Variants in HCFC1 observed in about 807,000 individuals in gnomAD.
HCFC1 encodes host cell factor C1, also known as host cell factor 1.
Under a neutral mutation model 105.5 loss-of-function variants are expected in HCFC1, and 7 were observed. The observed-to-expected ratio is 0.07, with a 90% CI of 0.04 to 0.12. The LOEUF is 0.12. Among genes scored for constraint, HCFC1 ranks in the 10% least tolerant of loss-of-function variants. The pLI is 1.00. For synonymous variants in HCFC1, 918 were observed against 828.1 expected, an observed-to-expected ratio of 1.11 and a Z score of -1.86; for missense variants, 1,065 against 1,823.6, an observed-to-expected ratio of 0.58 and a Z score of 7.58.
intron 10 of HCFC1, 131 bp from the exon 11 acceptor site, chrX:153,958,380 G>T: frequency 1.5e-6 from 1 of 678,116 alleles, no homozygotes. Flanking sequence ...CCAAGCCCAA[G>T]AACAGCTTGG....
At chrX:153,953,802 C>T in intron 17 of HCFC1, 32 bp from the exon 18 acceptor site, 1 of 1,171,114 alleles carries the variant, frequency 8.5e-7, no homozygotes. Context: ...GGCTGCTCAG[C>T]AGGAGCCCCC....
intron 3 of HCFC1, among the ~76,000 whole-genome samples, chrX:153,963,812 T>C (rs183658438): frequency 1.8e-5 from 2 of 112,297 alleles, no homozygotes; most frequent in African/African-American, 6.4e-5. Context: ...AGGAAACTTG[T>C]AGGCAGCGGA....
At position 153,960,118 on chromosome X, in the gene HCFC1, G is replaced by A; in HGVS notation, c.1128C>T (p.Asn376=). 1.7e-6 allele frequency: 2 copies of A among 1,211,478 alleles called. No individual in the cohort carries two copies. The highest frequency in any genetic ancestry group is 2.2e-6 in the Non-Finnish European group (2 of 895,237). The part of the protein sequence containing the change: ...PPARVQLVRA[N]TNSLEVSWGA... ...CCCAGCTCACCTCCAGGGAGTTGGT[G>A]TTGGCGCGTACCAGTTGTACTCGGG... The change falls in exon 8 of 26, where the codon AAC becomes AAT. Residue 376 remains asparagine (N), a synonymous_variant. Transcript: ENST00000310441.
In HCFC1 at chrX:153,959,956, T is replaced by C. The variant is rs1557116298; in HGVS notation, c.1290A>G (p.Pro430=). Reference sequence around the variant, plus strand: ...GCTGCACAGCAGGTGCGGCTGCTGCTGGGGCAGGGCTCTTGGGAGGGTTGG... The same window carrying C: ...GCTGCACAGCAGGTGCGGCTGCTGCCGGGGCAGGGCTCTTGGGAGGGTTGG... ...VPANPPKSPA[P]AAAAPAVQPL... is the part of the protein sequence containing the mutation. Residue 430 remains proline (P), a synonymous_variant, in exon 8 of 26, where the codon CCA becomes CCG. Coordinates refer to ENST00000310441, the MANE Select transcript of HCFC1 (RefSeq NM_005334.3). 8.3e-7 allele frequency: 1 copy of C among 1,210,825 alleles called. No homozygotes were observed. Among genetic ancestry groups the C allele is most frequent in the South Asian group, 1.8e-5 (1 of 56,951 alleles).
chrX:153,953,536 GC>G (rs1159079857), intron 18 of HCFC1, 70 bp downstream of exon 18: 2 of 1,052,164 alleles, frequency 1.9e-6, no homozygotes, highest in Non-Finnish European at 2.6e-6. Flanking sequence ...GCGACATCTG[GC>G]GTCTGAGTGT....
chrX:153,952,402 A>G, intron 19 of HCFC1, 112 bp downstream of exon 19: 1 of 916,947 alleles, frequency 1.1e-6, no homozygotes, highest in Non-Finnish European at 1.5e-6. Flanking sequence ...CCTCCCCATC[A>G]CATCTGGCTC....
chrX:153,953,214 G>A (rs2065332426), intron 18 of HCFC1: 1 of 442,907 alleles, frequency 2.3e-6, no homozygotes, highest in Admixed American at 3.9e-5. Flanking sequence ...TGATGGGCCA[G>A]CTCCAGCCCA....
chrX:153,952,798 C>T lies in HCFC1; in HGVS notation c.4658G>A (p.Gly1553Glu). The T allele has an allele frequency of 8.3e-7, 1 of 1,205,914 alleles. No homozygotes were observed. Among genetic ancestry groups the T allele is most frequent in the Non-Finnish European group, 1.1e-6 (1 of 892,610 alleles). The change falls in exon 19 of 26, where the codon GGG (glycine) becomes GAG (glutamate). Residue 1553 changes from glycine (G) to glutamate (E), a missense_variant. Gly to Glu is a moderately conservative substitution (Grantham distance 98). Around this residue, in one of 17 missense-constraint regions of HCFC1, gnomAD observed 546 missense variants for 599.9 expected, o/e 0.91. Transcript: ENST00000310441. ...LPAAVDLSST[G>E]EPSSGQESAG... ...AGACTCCTGGCCCGAAGATGGCTCC[C>T]CTGTGCTGCTCAGATCCACGGCGGC...
intron 9 of HCFC1, among the ~76,000 whole-genome samples, 166 bp from the exon 10 acceptor site, chrX:153,958,932 A>T (rs1233337477): frequency 8.9e-6 from 1 of 112,665 alleles, no homozygotes; most frequent in Admixed American, 9.3e-5. Context: ...CTGGCCCCAG[A>T]CACAGAGGGC....
At position 153,957,336 on chromosome X, in the gene HCFC1, G is replaced by A; in HGVS notation, c.2331C>T (p.Ile777=). ...TACCCGTGGCGCCCGCCTGGGTGAT[G>A]ATGGCCGACATGGGGATGGTTTTGA... is the stretch of plus-strand genomic sequence containing the variant. ...TIIKTIPMSA[I]ITQAGATGVT... Residue 777 remains isoleucine, a synonymous_variant, in exon 13 of 26, where the codon ATC becomes ATT. Transcript: ENST00000310441. 1 of 1,200,777 alleles carries A rather than the reference G, an allele frequency of 8.3e-7. No individual in the cohort carries two copies. The highest frequency in any genetic ancestry group is 1.1e-6 in the Non-Finnish European group (1 of 887,494).
chrX:153,967,931 T>G (rs942073830), intron 1 of HCFC1, among the ~76,000 whole-genome samples: 3 of 111,297 alleles, frequency 2.7e-5, no homozygotes, highest in Non-Finnish European at 5.7e-5. Flanking sequence ...TCAAAGGTGA[T>G]GGGCCCCAAA....
rs782697777 is a variant in HCFC1 at position 153,952,611 on chromosome X, C to T, written c.4845G>A (p.Thr1615=). 1.7e-6 allele frequency: 2 copies of T among 1,209,488 alleles called. No individual in the cohort carries two copies. Among genetic ancestry groups the T allele is most frequent in the African/African-American group, 1.7e-5 (1 of 58,068 alleles). The stretch of plus-strand genomic sequence containing the variant: ...CCTGGGCAGCTGCTTCTGCAGCAGC[C>T]GTCACTGCCAGCTCCTCGGGGGTGA... ...TGLTPEELAV[T]AAAEAAAQAA... The change falls in exon 19 of 26, where the codon ACG becomes ACA. Residue 1615 remains threonine, a synonymous_variant. Transcript: ENST00000310441.
intron 1 of HCFC1, among the ~76,000 whole-genome samples, chrX:153,967,628 A>T (rs1299761824): frequency 8.9e-6 from 1 of 112,218 alleles, no homozygotes; most frequent in African/African-American, 3.2e-5. Flanking sequence ...CGATGAGACA[A>T]ACACCCTAGA....
rs782079598 is a variant in HCFC1 at position 153,965,198 on chromosome X, G to A, written c.194-472C>T. 1.1e-3 allele frequency among the ~76,000 whole-genome samples: 123 copies of A among 111,111 alleles called. 1 individual carries two copies. Among genetic ancestry groups the A allele is most frequent in the African/African-American group, 4.0e-3 (121 of 30,543 alleles). ...CCGCTGCAGGCTACGAAGAGCCATG[G>A]GGATGAGACCCGGCCTCTGCTCTGA... On this transcript the variant is annotated intron_variant, in intron 1 of 25. Transcript: ENST00000310441.
chrX:153,949,902 G>A (rs889568517), intron 24 of HCFC1, among the ~76,000 whole-genome samples: 2 of 112,338 alleles, frequency 1.8e-5, no homozygotes, highest in Non-Finnish European at 3.8e-5. Flanking sequence ...TGGAGCAGGA[G>A]CATGACCTGA....
In HCFC1 at chrX:153,964,569, C is replaced by T; in HGVS notation, c.342+9G>A. 1 of 1,187,543 alleles carries T rather than the reference C, an allele frequency of 8.4e-7. No individual in the cohort carries two copies. Among genetic ancestry groups the T allele is most frequent in the African/African-American group, 1.7e-5 (1 of 57,296 alleles). The stretch of plus-strand genomic sequence containing the variant: ...AAGGAGGCAGAGTGAGAACCTGGGG[C>T]TGCTTTACCTGGAGTTCGTAGAGGT... On this transcript the variant is annotated intron_variant, in intron 2 of 25. Transcript: ENST00000310441.
chrX:153,956,379 C>T lies in HCFC1; in HGVS notation c.2668G>A (p.Val890Ile), dbSNP rs949004802. 1 of 1,211,669 alleles carries T rather than the reference C, an allele frequency of 8.3e-7. No individual in the cohort carries two copies. The highest frequency in any genetic ancestry group is 1.1e-6 in the Non-Finnish European group (1 of 895,342). ...VTTLGTVTGT[V>I]STSLAGAGGH... ...CCCGCCCCGGCAAGGCTGGTGGAGA[C>T]GGTGCCTGTCACTGTGCCTAGGGTC... Residue 890 changes from valine to isoleucine, a missense_variant, in exon 16 of 26, where the codon GTC becomes ATC. Physicochemically the swap from Val to Ile is conservative, Grantham distance 29. Coordinates refer to ENST00000310441, the MANE Select transcript of HCFC1 (RefSeq NM_005334.3).
Position 153,955,276 on chromosome X carries a change from G to C in HCFC1, c.3123C>G (p.Pro1041=). The change falls in exon 17 of 26, where the codon CCC becomes CCG. Residue 1041 remains proline (P), a synonymous_variant. Coordinates refer to ENST00000310441, the MANE Select transcript of HCFC1 (RefSeq NM_005334.3). ...TTVVANLGGH[P]QPTQVQFVCD... The stretch of plus-strand genomic sequence containing the variant: ...AGACGAACTGCACTTGGGTGGGCTG[G>C]GGGTGTCCCCCAAGGTTAGCCACAA... 2.5e-6 allele frequency: 3 copies of C among 1,211,184 alleles called. No individual in the cohort carries two copies. The highest frequency in any genetic ancestry group is 3.4e-6 in the Non-Finnish European group (3 of 895,149).
At chrX:153,967,550 G>A (rs1451902703) in intron 1 of HCFC1, among the ~76,000 whole-genome samples, 2 of 112,157 alleles carry the variant, frequency 1.8e-5, no homozygotes, top group African/African-American at 3.2e-5. Context: ...CGTGCTGGGA[G>A]GCACAGAGGA....
Sources: gnomAD v4.1 joint callset for allele counts (sites outside exome capture counted in the v4.1 genomes callset) on GRCh38, gnomAD v4.1.1 for gene constraint, gnomAD v4.1.1 regional missense constraint, MANE v1.5 for transcripts, NCBI Gene and HGNC (gene_info 2026-07-23, HGNC 2026-07-21) for gene names.